Variants in NASP observed in about 807,000 individuals in gnomAD.
NASP encodes NASP histone chaperone.
A neutral mutation model predicts 89.5 loss-of-function variants in NASP; 24 were observed. The ratio of observed to expected loss-of-function variants is 0.27; its 90% CI spans 0.19 to 0.38. The LOEUF is 0.38. Ranked by LOEUF, NASP falls within the 10% of genes least tolerant of loss-of-function variation. The pLI is 1.00. For synonymous variants in NASP, 306 were observed against 324.7 expected, an observed-to-expected ratio of 0.94 and a Z score of 0.62; for missense variants, 848 against 921.4, an observed-to-expected ratio of 0.92 and a Z score of 1.03.
At chr1:45,588,666 G>A (rs575180129) in intron 1 of NASP, 53 of 448,684 alleles carry the variant, frequency 1.2e-4, no homozygotes, top group South Asian at 6.7e-4. Flanking sequence ...GCGGCCGGGC[G>A]CGGTGGCTCA....
rs557087955 is a variant in NASP at position 45,613,304 on chromosome 1, G to A, written c.1506+56G>A. 1.2e-4 allele frequency: 193 copies of A among 1,550,510 alleles called. 4 individuals carry two copies. In the South Asian group the frequency reaches 2.2e-3, roughly 18 times the overall value. On this transcript the variant is annotated intron_variant, in intron 7 of 14. Transcript: ENST00000350030. ...AGCCTTTTTCTGTTTTTGGGAGACT[G>A]GAGCTCACTCTTGTTGCCTAGGCTG... is the stretch of plus-strand genomic sequence containing the variant.
intron 4 of NASP, 32 bp from the exon 5 acceptor site, chr1:45,606,450 C>G: frequency 6.5e-7 from 1 of 1,538,356 alleles, no homozygotes; most frequent in African/African-American, 1.4e-5. Context: ...TTCTAGCCAT[C>G]AAACCTTTGG....
At chr1:45,617,382 C>T in intron 13 of NASP, 81 bp from the exon 14 acceptor site, 3 of 1,498,066 alleles carry the variant, frequency 2.0e-6, no homozygotes, top group Non-Finnish European at 1.8e-6. Flanking sequence ...CTTTGCACCA[C>T]AAGGGTTAAG....
Position 45,616,364 on chromosome 1 carries a change from C to T in NASP, c.2050C>T (p.Pro684Ser), listed in dbSNP as rs555817645. Residue 684 changes from proline (P) to serine (S), a missense_variant, in exon 12 of 15, where the codon CCT (proline) becomes TCT (serine). Physicochemically the swap from Pro to Ser is moderately conservative, Grantham distance 74 (BLOSUM62 -1). This residue lies in a region of NASP where 218 missense variants were observed against 219.6 expected (regional missense o/e 0.99). Transcript: ENST00000350030. ...LVESSTSGFT[P>S]GGGGSSVSMI... ...GGAGAGTTCTACTTCAGGTTTCACTCCTGGTGGAGGAGGCTCTTCAGTCTC... is the reference window on the plus strand; with the variant it reads ...GGAGAGTTCTACTTCAGGTTTCACTTCTGGTGGAGGAGGCTCTTCAGTCTC... 1.9e-6 allele frequency: 3 copies of T among 1,614,172 alleles called. No individual in the cohort carries two copies. In the African/African-American group the frequency reaches 4.0e-5, roughly 22 times the overall value.
chr1:45,604,977 CCTT>C lies in NASP; in HGVS notation c.264_266del (p.Phe90del). On this transcript the variant is annotated inframe_deletion, in exon 4 of 15. Coordinates refer to ENST00000350030, the MANE Select transcript of NASP (RefSeq NM_002482.4). Reference sequence around the variant, plus strand: ...GAGACAGCTAATGAGTGTGGAGAAGCCTTCTTTTTCTATGGGAAATCACTTCTG... The same window carrying C: ...GAGACAGCTAATGAGTGTGGAGAAGCCTTTTTCTATGGGAAATCACTTCTG... 2 of 1,613,124 alleles carry C rather than the reference CCTT, an allele frequency of 1.2e-6. No individual in the cohort carries two copies. The highest frequency in any genetic ancestry group is 1.7e-6 in the Non-Finnish European group (2 of 1,179,288).
At chr1:45,590,648 C>G (rs1381401071) in intron 1 of NASP, among the ~76,000 whole-genome samples, 1 of 141,886 alleles carries the variant, frequency 7.0e-6, no homozygotes, top group African/African-American at 2.6e-5. Flanking sequence ...TAATGGTATT[C>G]AATTCAGAGT....
chr1:45,596,275 G>A (rs959011061), intron 2 of NASP, among the ~76,000 whole-genome samples: 8 of 152,094 alleles, frequency 5.3e-5, no homozygotes, highest in Admixed American at 2.0e-4. Flanking sequence ...CTTTTTAAGC[G>A]TGTAAGTCAG....
intron 1 of NASP, among the ~76,000 whole-genome samples, chr1:45,587,769 G>C (rs1212825212): frequency 1.4e-5 from 2 of 146,920 alleles, no homozygotes; most frequent in African/African-American, 5.0e-5. Flanking sequence ...TGCAACTTCT[G>C]CCTCCCCTGT....
intron 2 of NASP, among the ~76,000 whole-genome samples, chr1:45,592,090 C>CA (rs1335896821): frequency 2.0e-5 from 3 of 152,172 alleles, no homozygotes; most frequent in African/African-American, 7.2e-5. Flanking sequence ...TGGGTTCAAG[C>CA]AATTCTGCCT....
chr1:45,608,407 AAGTC>A (rs1643946993), intron 6 of NASP, 70 bp downstream of exon 6: 3 of 1,475,176 alleles, frequency 2.0e-6, no homozygotes, highest in Non-Finnish European at 1.9e-6. Context: ...TTATGGGTAA[AAGTC>A]AGCCTTCCAT....
chr1:45,600,870 T>C (rs1310676489), intron 2 of NASP, among the ~76,000 whole-genome samples: 1 of 152,254 alleles, frequency 6.6e-6, no homozygotes, highest in Non-Finnish European at 1.5e-5. Context: ...TTTTAAAATT[T>C]TAGCTATTAT....
intron 13 of NASP, 185 bp from the exon 14 acceptor site, chr1:45,617,278 T>TG: frequency 1.6e-6 from 1 of 611,334 alleles, no homozygotes; most frequent in Admixed American, 3.3e-5. Flanking sequence ...AGTGATATGG[T>TG]GGGACAGATT....
chr1:45,612,971 G>A, intron 6 of NASP, 198 bp from the exon 7 acceptor site: 1 of 629,096 alleles, frequency 1.6e-6, no homozygotes, highest in Non-Finnish European at 2.4e-6. Flanking sequence ...CATAGACTAA[G>A]ATTGCACATT....
chr1:45,607,830 G>A lies in NASP; in HGVS notation c.919G>A (p.Val307Met), dbSNP rs781687159. ...GTCTTTAGACCCGACAGTCAAGCCAGTGGATGTGGGTGGGGACGAGCCAGA... is the reference window on the plus strand; with the variant it reads ...GTCTTTAGACCCGACAGTCAAGCCAATGGATGTGGGTGGGGACGAGCCAGA... ...AESLDPTVKP[V>M]DVGGDEPEEK... Residue 307 changes from valine (V) to methionine (M), a missense_variant, in exon 6 of 15, where the codon GTG becomes ATG. This residue lies in a region of NASP where 464 missense variants were observed against 469.4 expected (regional missense o/e 0.99). Coordinates refer to ENST00000350030, the MANE Select transcript of NASP (RefSeq NM_002482.4). The A allele has an allele frequency of 6.2e-7, 1 of 1,614,218 alleles. No individual in the cohort carries two copies. The highest frequency in any genetic ancestry group is 2.2e-5 in the East Asian group (1 of 44,886).
Position 45,607,549 on chromosome 1 carries a change from C to T in NASP, c.638C>T (p.Ala213Val), listed in dbSNP as rs1269273033. ...LDWLTETSEEAKGGAAPEGPN... is the reference protein window; with the variant it reads ...LDWLTETSEEVKGGAAPEGPN... ...TGGTTAACTGAAACCTCTGAAGAGG[C>T]AAAAGGAGGAGCAGCACCAGAAGGA... is the stretch of plus-strand genomic sequence containing the variant. Residue 213 changes from alanine to valine, a missense_variant, in exon 6 of 15, where the codon GCA becomes GTA. Transcript: ENST00000350030. The T allele has an allele frequency of 6.2e-7, 1 of 1,613,890 alleles. No individual in the cohort carries two copies. The highest frequency in any genetic ancestry group is 8.5e-7 in the Non-Finnish European group (1 of 1,179,916).
intron 1 of NASP, among the ~76,000 whole-genome samples, chr1:45,590,460 A>G (rs375122239): frequency 1.3e-4 from 20 of 151,202 alleles, no homozygotes; most frequent in African/African-American, 4.6e-4. Flanking sequence ...GAGGCAGGAG[A>G]ATGGCGTGAA....
At position 45,584,704 on chromosome 1, in the gene NASP, G is replaced by T. The variant is rs554554646; in HGVS notation, c.59+499G>T. Among the ~76,000 whole-genome samples, 8 of 152,334 alleles carry T rather than the reference G, an allele frequency of 5.3e-5. No homozygotes were observed. The South Asian group carries it at 1.7e-3, about 32-fold the overall frequency. ...GGGTGGGCGGGGCCTTGCTGAGGGC[G>T]GGGTTTTGCGCGCGTGCGTTCGCTT... On this transcript the variant is annotated intron_variant, in intron 1 of 14. Coordinates refer to ENST00000350030, the MANE Select transcript of NASP (RefSeq NM_002482.4).
At chr1:45,612,919 A>T (rs1478660350) in intron 6 of NASP, 1 of 339,828 alleles carries the variant, frequency 2.9e-6, no homozygotes, top group South Asian at 7.0e-5. Flanking sequence ...GTTGACTTTT[A>T]TAAGAGAAAC....
chr1:45,617,552 C>A lies in NASP; in HGVS notation c.2247C>A (p.Val749=). Reference sequence around the variant, plus strand: ...TGAACGGAGGCAGTGGGGATGCTGTCCCCAGTGGAAATGAAGTTTCGGAAA... The same window carrying A: ...TGAACGGAGGCAGTGGGGATGCTGTACCCAGTGGAAATGAAGTTTCGGAAA... ...PEVNGGSGDA[V]PSGNEVSENM... The change falls in exon 14 of 15, where the codon GTC becomes GTA. Residue 749 remains valine, a synonymous_variant. Coordinates refer to ENST00000350030, the MANE Select transcript of NASP (RefSeq NM_002482.4). 6.2e-7 allele frequency: 1 copy of A among 1,601,236 alleles called. No homozygotes were observed. The highest frequency in any genetic ancestry group is 1.1e-5 in the South Asian group (1 of 89,132).
Sources: gnomAD v4.1 joint callset for allele counts (sites outside exome capture counted in the v4.1 genomes callset) on GRCh38, gnomAD v4.1.1 for gene constraint, gnomAD v4.1.1 regional missense constraint, MANE v1.5 for transcripts, NCBI Gene and HGNC (gene_info 2026-07-23, HGNC 2026-07-21) for gene names.